Variants in MBP observed in about 807,000 individuals in gnomAD.
MBP encodes myelin basic protein.
Under a neutral mutation model 35.8 loss-of-function variants are expected in MBP, and 16 were observed. The ratio of observed to expected loss-of-function variants is 0.45; its 90% CI spans 0.30 to 0.68. The LOEUF (loss-of-function observed/expected upper bound fraction) is 0.68. Among genes scored for constraint, MBP ranks in the 30% least tolerant of loss-of-function variants. MBP has a pLI of 0.08. For missense variants in MBP, 380 were observed against 404.7 expected (o/e 0.94, Z 0.52); for synonymous variants, 143 against 159.6 (o/e 0.90, Z 0.78).
At chr18:77,088,136 T>TC (rs1184860528) in intron 2 of MBP, among the ~76,000 whole-genome samples, 1 of 152,180 alleles carries the variant, frequency 6.6e-6, no homozygotes, top group Non-Finnish European at 1.5e-5. Flanking sequence ...GGATGCGTCT[T>TC]CGAGTGCTGG....
chr18:77,052,953 G>A (rs775575318), intron 3 of MBP, among the ~76,000 whole-genome samples: 5 of 152,240 alleles, frequency 3.3e-5, no homozygotes, highest in African/African-American at 7.2e-5. Context: ...CCACTGGCAA[G>A]GTTTTGGGGA....
intron 2 of MBP, among the ~76,000 whole-genome samples, chr18:77,096,090 AG>A (rs1975746901): frequency 6.6e-6 from 1 of 152,276 alleles, no homozygotes; most frequent in South Asian, 2.1e-4. Flanking sequence ...AAAATGTTGC[AG>A]GATTTATGAT....
chr18:77,087,896 C>T (rs1346523303), intron 2 of MBP, among the ~76,000 whole-genome samples: 3 of 152,118 alleles, frequency 2.0e-5, no homozygotes, highest in Non-Finnish European at 4.4e-5. Context: ...ACCGCTGACA[C>T]CCCGCGGGGC....
intron 1 of MBP, chr18:77,114,119 A>G (rs1976569922): frequency 6.6e-6 from 1 of 152,236 alleles, no homozygotes; most frequent in Non-Finnish European, 1.5e-5. Context: ...CTGGGGTATC[A>G]GATAATATTA....
At chr18:77,000,694 A>G (rs1288913233) in intron 4 of MBP, among the ~76,000 whole-genome samples, 1 of 152,192 alleles carries the variant, frequency 6.6e-6, no homozygotes, top group Non-Finnish European at 1.5e-5. Context: ...GAAATCAGGA[A>G]GAGGGTTGTT....
chr18:77,049,660 C>T (rs1441340556), intron 3 of MBP, among the ~76,000 whole-genome samples: 1 of 151,958 alleles, frequency 6.6e-6, no homozygotes, highest in East Asian at 1.9e-4. Context: ...ATATGGATAA[C>T]TATTTTATTT....
At position 76,985,186 on chromosome 18, in the gene MBP, T is replaced by C. The variant is rs1360038934; in HGVS notation, c.751-292A>G. The C allele has an allele frequency of 6.2e-6, 9 of 1,462,896 alleles. No individual in the cohort carries two copies. The Middle Eastern group carries it at 7.4e-4, about 120-fold the overall frequency. The allele number at this position is 1,462,896 out of a possible 1,614,324, so 90.6% of individuals were successfully genotyped here. The stretch of plus-strand genomic sequence containing the variant: ...ACATATTTTAAGGATCTAAGTCGTT[T>C]AGGGAACAGTTGCTTACCTTCACGC... On this transcript the variant is annotated intron_variant, in intron 7 of 8. Coordinates refer to ENST00000355994, the MANE Select transcript of MBP (RefSeq NM_001025101.2).
chr18:77,031,309 G>A (rs928540563), intron 3 of MBP, among the ~76,000 whole-genome samples: 3 of 152,110 alleles, frequency 2.0e-5, no homozygotes, highest in East Asian at 1.9e-4. Flanking sequence ...ACAGACCCCC[G>A]AGGCTGTGAG....
intron 2 of MBP, among the ~76,000 whole-genome samples, chr18:77,067,616 C>T (rs1171994194): frequency 2.6e-5 from 4 of 152,184 alleles, no homozygotes; most frequent in Admixed American, 6.5e-5. Flanking sequence ...TTTCACTGAG[C>T]GGGCGTCAGT....
rs1344995509 is a variant in MBP at position 77,102,506 on chromosome 18, G to A, written c.51+2705C>T. 6.6e-6 allele frequency among the ~76,000 whole-genome samples: 1 copy of A among 152,152 alleles called. No homozygotes were observed. The highest frequency in any genetic ancestry group is 1.5e-5 in the Non-Finnish European group (1 of 68,028). ...TCAAGTTTAAAGGAAAGAAAAAAAA[G>A]CTCTTACTTCTTAAAACTACCTACA... On this transcript the variant is annotated intron_variant, in intron 2 of 8. Coordinates refer to ENST00000355994, the MANE Select transcript of MBP (RefSeq NM_001025101.2). This position sits in a 1 kb window ranked among gnomAD's most constrained non-coding sequence, Gnocchi z 4.4.
chr18:77,026,038 G>C (rs1372734867), intron 3 of MBP, among the ~76,000 whole-genome samples: 1 of 152,252 alleles, frequency 6.6e-6, no homozygotes, highest in East Asian at 1.9e-4. Flanking sequence ...CTGCTCAACT[G>C]CGGAGCCTGG....
chr18:77,080,481 C>A (rs72990938), intron 2 of MBP, among the ~76,000 whole-genome samples: 15,957 of 152,212 alleles, frequency 0.1, 1,030 homozygotes, highest in South Asian at 0.17. Context: ...GGCCTCCACC[C>A]ACTAGATGCT....
intron 2 of MBP, among the ~76,000 whole-genome samples, chr18:77,094,284 CT>C (rs1283416145): frequency 6.6e-6 from 1 of 152,218 alleles, no homozygotes; most frequent in Non-Finnish European, 1.5e-5. Context: ...TAAAGTTTCT[CT>C]TTAAAAGGAT....
At position 77,082,457 on chromosome 18, in the gene MBP, G is replaced by C. The variant is rs116835403; in HGVS notation, c.52-16072C>G. On this transcript the variant is annotated intron_variant, in intron 2 of 8. Transcript: ENST00000355994. Reference sequence around the variant, plus strand: ...ATCTTGGGTTGGGGAATAGGATGAGGTCGGGTGGGGTTGGGCAGTGGCTGC... The same window carrying C: ...ATCTTGGGTTGGGGAATAGGATGAGCTCGGGTGGGGTTGGGCAGTGGCTGC... 3.9e-3 allele frequency among the ~76,000 whole-genome samples: 595 copies of C among 152,302 alleles called. 6 individuals are homozygous for C. Among genetic ancestry groups the C allele is most frequent in the African/African-American group, 0.014 (571 of 41,566 alleles).
chr18:77,130,470 G>C (rs1977204446), intron 1 of MBP, among the ~76,000 whole-genome samples: 1 of 151,794 alleles, frequency 6.6e-6, no homozygotes, highest in African/African-American at 2.4e-5. Context: ...TGTTATCCGA[G>C]GTGACAAACC....
intron 3 of MBP, among the ~76,000 whole-genome samples, chr18:77,030,869 A>C (rs1972513505): frequency 6.6e-6 from 1 of 152,188 alleles, no homozygotes; most frequent in Non-Finnish European, 1.5e-5. Context: ...CCTGTTTCAG[A>C]CCTTCTCTTA....
chr18:77,019,066 ATCCATCCATCCATCCATT>A (rs1203429789), intron 3 of MBP, among the ~76,000 whole-genome samples: 1 of 115,900 alleles, frequency 8.6e-6, no homozygotes, highest in Non-Finnish European at 2.1e-5. Context: ...CCATCCATCC[ATCCATCCATCCATCCATT>A]ATTTATGAGT....
intron 3 of MBP, among the ~76,000 whole-genome samples, chr18:77,019,374 G>C (rs1354215964): frequency 1.3e-5 from 2 of 152,176 alleles, no homozygotes; most frequent in Non-Finnish European, 2.9e-5. Context: ...GTCCTTGTAA[G>C]AAGAGAGCAG....
intron 3 of MBP, among the ~76,000 whole-genome samples, chr18:77,054,895 A>T (rs1973662606): frequency 6.6e-6 from 1 of 152,194 alleles, no homozygotes; most frequent in African/African-American, 2.4e-5. Flanking sequence ...TGATCTCCAG[A>T]TGATCAATTT....
Sources: allele counts gnomAD v4.1 joint callset (sites outside exome capture counted in the v4.1 genomes callset), GRCh38; gene constraint gnomAD v4.1.1; non-coding constraint Gnocchi (gnomAD v3.1); transcripts MANE v1.5; gene names NCBI Gene and HGNC (gene_info 2026-07-23, HGNC 2026-07-21).